The following PAFAH1B1 variants were observed in gnomAD, a reference collection of about 807,000 sequenced individuals.
PAFAH1B1 encodes the protein platelet activating factor acetylhydrolase 1b regulatory subunit 1, also known as platelet-activating factor acetylhydrolase IB subunit beta.
Under a neutral mutation model 57.5 loss-of-function variants are expected in PAFAH1B1, and 2 were observed. The ratio of observed to expected loss-of-function variants is 0.03; its 90% CI spans 0.01 to 0.11. PAFAH1B1 has a LOEUF of 0.11. Ranked by LOEUF, PAFAH1B1 falls within the 10% of genes least tolerant of loss-of-function variation. The pLI is 1.00. For synonymous variants in PAFAH1B1, 152 were observed against 169.6 expected (o/e 0.90, Z 0.81); for missense variants, 257 against 512.0 (o/e 0.50, Z 4.81).
chr17:2,664,027 G>A (rs140100838), intron 2 of PAFAH1B1, among the ~76,000 whole-genome samples: 10,659 of 151,958 alleles, frequency 0.07, 410 homozygotes, highest in African/African-American at 0.1. Context: ...TGATTTGCCC[G>A]CCTCGGCCTC....
intron 1 of PAFAH1B1, among the ~76,000 whole-genome samples, chr17:2,607,567 C>T (rs575020746): frequency 6.6e-6 from 1 of 152,132 alleles, no homozygotes; most frequent in East Asian, 1.9e-4. Context: ...TCACTGCAGC[C>T]TCCACCTCCC....
intron 1 of PAFAH1B1, among the ~76,000 whole-genome samples, chr17:2,625,667 T>C (rs553701130): frequency 6.6e-6 from 1 of 152,332 alleles, no homozygotes; most frequent in African/African-American, 2.4e-5. Flanking sequence ...GGCTCTTTCC[T>C]GTAATCTCAG....
chr17:2,674,374 G>A (rs572048491), intron 8 of PAFAH1B1, 86 bp downstream of exon 8: 6 of 945,362 alleles, frequency 6.3e-6, no homozygotes, highest in African/African-American at 4.8e-5. Context: ...TTTCAGGGCT[G>A]TTAATGCATT....
chr17:2,666,899 A>G (rs1469749301), intron 4 of PAFAH1B1, 93 bp from the exon 5 acceptor site: 3 of 846,386 alleles, frequency 3.5e-6, no homozygotes, highest in Admixed American at 4.0e-5. Flanking sequence ...AGTATCCTAC[A>G]TACATAGTTG....
intron 1 of PAFAH1B1, among the ~76,000 whole-genome samples, chr17:2,595,888 A>G (rs2068079755): frequency 6.6e-6 from 1 of 152,162 alleles, no homozygotes; most frequent in Non-Finnish European, 1.5e-5. Context: ...AAAATGGGCT[A>G]ATATTTGTGG....
chr17:2,645,707 G>C (rs1024920013), intron 2 of PAFAH1B1, among the ~76,000 whole-genome samples: 7 of 151,052 alleles, frequency 4.6e-5, no homozygotes, highest in Non-Finnish European at 1.0e-4. Flanking sequence ...TCCACCTCTT[G>C]GGTTCTCCTG....
Position 2,596,671 on chromosome 17 carries a change from GTTA to G in PAFAH1B1, c.-191+2670_-191+2672del, listed in dbSNP as rs1263683988. Among the ~76,000 whole-genome samples the G allele has an allele frequency of 2.6e-5, 4 of 152,140 alleles. No homozygotes were observed. In the East Asian group the frequency reaches 5.8e-4, roughly 22 times the overall value. ...TTTAATATGATTAGAAAGTAGAAGG[GTTA>G]TTATGGTGAGGAAATGAGTAAGGTT... On this transcript the variant is annotated intron_variant, in intron 1 of 10. Coordinates refer to ENST00000397195, the MANE Select transcript of PAFAH1B1 (RefSeq NM_000430.4).
chr17:2,631,383 C>T (rs1191598405), intron 1 of PAFAH1B1, among the ~76,000 whole-genome samples: 1 of 152,160 alleles, frequency 6.6e-6, no homozygotes, highest in Non-Finnish European at 1.5e-5. Flanking sequence ...GAGTTCTGGC[C>T]AGGAGGCTTC....
intron 6 of PAFAH1B1, among the ~76,000 whole-genome samples, chr17:2,672,010 A>G (rs1360431839): frequency 6.6e-6 from 1 of 152,170 alleles, no homozygotes; most frequent in South Asian, 2.1e-4. Flanking sequence ...GCTCACACCT[A>G]TAATCTCAGC....
chr17:2,597,271 A>G (rs752977216), intron 1 of PAFAH1B1, among the ~76,000 whole-genome samples: 9 of 152,006 alleles, frequency 5.9e-5, no homozygotes, highest in Non-Finnish European at 1.0e-4. Flanking sequence ...GATTGGAAGG[A>G]ATTTTTTAGT....
At chr17:2,616,908 CAA>C (rs767115189) in intron 1 of PAFAH1B1, among the ~76,000 whole-genome samples, 4 of 136,124 alleles carry the variant, frequency 2.9e-5, no homozygotes, top group Non-Finnish European at 1.6e-5. Flanking sequence ...CTAAAAATAC[CAA>C]AAAAAAAAAA....
intron 2 of PAFAH1B1, among the ~76,000 whole-genome samples, chr17:2,657,734 T>G (rs2068955935): frequency 6.6e-6 from 1 of 152,204 alleles, no homozygotes; most frequent in Admixed American, 6.5e-5. Context: ...GAATTAAATT[T>G]CATAGACTTC....
intron 2 of PAFAH1B1, among the ~76,000 whole-genome samples, chr17:2,655,018 C>T (rs1472945009): frequency 6.8e-6 from 1 of 147,232 alleles, no homozygotes; most frequent in African/African-American, 2.5e-5. Context: ...GATCATAGCT[C>T]ATAACTCTGG....
At chr17:2,663,474 A>G (rs561131465) in intron 2 of PAFAH1B1, among the ~76,000 whole-genome samples, 11 of 151,944 alleles carry the variant, frequency 7.2e-5, no homozygotes, top group African/African-American at 2.4e-4. Flanking sequence ...TGCAACCTCA[A>G]CCTGCCAGGC....
intron 2 of PAFAH1B1, among the ~76,000 whole-genome samples, chr17:2,643,184 C>G (rs1597546254): frequency 1.3e-5 from 2 of 152,118 alleles, no homozygotes; most frequent in Non-Finnish European, 2.9e-5. Flanking sequence ...CCTTGACCTC[C>G]TGGGCTAAAG....
At chr17:2,667,423 C>A in intron 5 of PAFAH1B1, 1 of 471,812 alleles carries the variant, frequency 2.1e-6, no homozygotes. Flanking sequence ...TACTCTGAAA[C>A]GTGTGATTTG....
chr17:2,673,126 C>A (rs146514607), intron 7 of PAFAH1B1, among the ~76,000 whole-genome samples: 12 of 152,224 alleles, frequency 7.9e-5, no homozygotes, highest in African/African-American at 2.4e-4. Context: ...AAATTGTGTT[C>A]TGGTGTTGCA....
chr17:2,609,973 T>C (rs1439656261), intron 1 of PAFAH1B1, among the ~76,000 whole-genome samples: 1 of 152,184 alleles, frequency 6.6e-6, no homozygotes, highest in African/African-American at 2.4e-5. Flanking sequence ...TACGGGCGTG[T>C]GCTACCATGC....
chr17:2,681,672 T>C, intron 10 of PAFAH1B1, 57 bp from the exon 11 acceptor site: 2 of 1,360,660 alleles, frequency 1.5e-6, no homozygotes, highest in Non-Finnish European at 2.1e-6. Context: ...GGTCTCACTA[T>C]GTTTGTTGTC....
Sources: gnomAD v4.1 joint callset for allele counts (sites outside exome capture counted in the v4.1 genomes callset) on GRCh38, gnomAD v4.1.1 for gene constraint, MANE v1.5 for transcripts, NCBI Gene and HGNC (gene_info 2026-07-23, HGNC 2026-07-21) for gene names.